The following EBF1 variants were observed in gnomAD, a reference collection of about 807,000 sequenced individuals.
The protein encoded by EBF1 is EBF transcription factor 1, also known as transcription factor COE1.
Under a neutral mutation model 68.4 loss-of-function variants are expected in EBF1, and 10 were observed. That is an observed-to-expected ratio of 0.15 (90% confidence interval 0.09 to 0.25). The LOEUF (loss-of-function observed/expected upper bound fraction) is 0.25, where lower values mean the gene tolerates loss of function less well. EBF1 is among the 10% of genes least tolerant of loss of function. The probability of loss-of-function intolerance (pLI) is 1.00; values close to 1 mark genes in which losing one functional copy is unlikely to be tolerated. For synonymous variants in EBF1, 298 were observed against 299.8 expected, an observed-to-expected ratio of 0.99 and a Z score of 0.06; for missense variants, 509 against 794.4, an observed-to-expected ratio of 0.64 and a Z score of 4.32.
chr5:158,877,317 A>G (rs898190355), intron 6 of EBF1, among the ~76,000 whole-genome samples: 1 of 152,086 alleles, frequency 6.6e-6, no homozygotes, highest in African/African-American at 2.4e-5. Flanking sequence ...TCTTTTCCTT[A>G]TTTCGACAGC....
intron 6 of EBF1, among the ~76,000 whole-genome samples, chr5:159,033,343 A>C (rs1769323976): frequency 2.0e-5 from 3 of 152,258 alleles, no homozygotes; most frequent in Admixed American, 2.0e-4. Flanking sequence ...CAACAAACAT[A>C]GTTAGCTCTG....
intron 8 of EBF1, among the ~76,000 whole-genome samples, chr5:158,799,112 G>A (rs1205948620): frequency 6.6e-6 from 1 of 152,142 alleles, no homozygotes; most frequent in Non-Finnish European, 1.5e-5. Context: ...AGGATGAGGA[G>A]GGGAAGCTAG....
At chr5:158,971,120 G>T (rs1313105004) in intron 6 of EBF1, among the ~76,000 whole-genome samples, 2 of 152,208 alleles carry the variant, frequency 1.3e-5, no homozygotes, top group African/African-American at 2.4e-5. Flanking sequence ...ATTTATCATG[G>T]ACTCAAAATC....
chr5:159,062,540 T>A (rs893255798), intron 6 of EBF1, among the ~76,000 whole-genome samples: 2 of 152,208 alleles, frequency 1.3e-5, no homozygotes, highest in Admixed American at 1.3e-4. Flanking sequence ...GAGTATCAGG[T>A]CAATGCTATA....
chr5:158,724,036 G>T (rs1399301864), intron 11 of EBF1, among the ~76,000 whole-genome samples: 3 of 152,260 alleles, frequency 2.0e-5, no homozygotes, highest in Admixed American at 1.3e-4. Context: ...TGGATACCAA[G>T]CCCCTAGACT....
intron 6 of EBF1, among the ~76,000 whole-genome samples, chr5:158,931,781 A>G (rs773606937): frequency 1.3e-5 from 2 of 152,198 alleles, no homozygotes; most frequent in Non-Finnish European, 2.9e-5. Flanking sequence ...GCATAGGGGC[A>G]GCTAATACTC....
chr5:158,839,477 G>A (rs973938078), intron 7 of EBF1, among the ~76,000 whole-genome samples: 6 of 152,060 alleles, frequency 3.9e-5, no homozygotes, highest in Admixed American at 3.9e-4. Flanking sequence ...CCAACTCCCG[G>A]GTTCAAGTGA....
intron 10 of EBF1, among the ~76,000 whole-genome samples, chr5:158,762,519 A>T (rs1201442799): frequency 1.3e-5 from 2 of 152,020 alleles, no homozygotes; most frequent in African/African-American, 4.8e-5. Flanking sequence ...TATATAATAC[A>T]ATCTTGATTT....
At chr5:159,089,231 G>A (rs377757597) in intron 4 of EBF1, among the ~76,000 whole-genome samples, 7 of 152,014 alleles carry the variant, frequency 4.6e-5, no homozygotes, top group South Asian at 2.1e-4. Flanking sequence ...AGAAAACATC[G>A]AAATTGTTAA....
At chr5:158,908,660 C>A (rs763783140) in intron 6 of EBF1, among the ~76,000 whole-genome samples, 1 of 152,190 alleles carries the variant, frequency 6.6e-6, no homozygotes, top group Non-Finnish European at 1.5e-5. Flanking sequence ...GGCCAAGAGG[C>A]CTCAAGAAAT....
At chr5:159,005,265 T>G (rs1024962864) in intron 6 of EBF1, among the ~76,000 whole-genome samples, 5 of 152,190 alleles carry the variant, frequency 3.3e-5, no homozygotes, top group African/African-American at 1.2e-4. Flanking sequence ...CTACTACTGC[T>G]TTGACTACAA....
At chr5:158,886,573 C>T (rs1486221026) in intron 6 of EBF1, among the ~76,000 whole-genome samples, 2 of 152,194 alleles carry the variant, frequency 1.3e-5, no homozygotes, top group Non-Finnish European at 2.9e-5. Context: ...TTCTGTTTCT[C>T]TTTCAAAGAT....
intron 10 of EBF1, among the ~76,000 whole-genome samples, chr5:158,766,385 TG>T (rs972497003): frequency 7.2e-5 from 11 of 152,092 alleles, no homozygotes; most frequent in African/African-American, 2.7e-4. Flanking sequence ...AAAAATGACT[TG>T]AAAAAGTTTG....
At chr5:159,044,228 T>G (rs765175013) in intron 6 of EBF1, among the ~76,000 whole-genome samples, 3 of 152,228 alleles carry the variant, frequency 2.0e-5, no homozygotes, top group South Asian at 2.1e-4. Context: ...TAATTCATCT[T>G]AAGTGTAAGT....
At chr5:158,778,848 A>G (rs1407535892) in intron 9 of EBF1, among the ~76,000 whole-genome samples, 4 of 152,196 alleles carry the variant, frequency 2.6e-5, no homozygotes, top group Non-Finnish European at 4.4e-5. Context: ...AAAAAGCCCT[A>G]AATGACTGTT....
intron 6 of EBF1, among the ~76,000 whole-genome samples, chr5:158,945,458 A>C (rs1229520283): frequency 7.2e-5 from 11 of 152,076 alleles, no homozygotes. Flanking sequence ...GGTACCATGA[A>C]ATTCCGAGTT....
rs184829645 is a variant in EBF1, at chr5:159,034,173, A to G, written c.554+39223T>C. On this transcript the variant is annotated intron_variant, in intron 6 of 15. Transcript: ENST00000313708. ...GCTTATTTTGGGGAGCACTCAAACT[A>G]TGCTTTTTTTGACTTGTTGGCCCTA... 1.2e-3 allele frequency among the ~76,000 whole-genome samples: 190 copies of G among 152,302 alleles called. 2 individuals are homozygous for G. The highest frequency in any genetic ancestry group is 1.2e-3 in the East Asian group (6 of 5,184).
chr5:158,803,581 A>G (rs1781021558), intron 8 of EBF1, among the ~76,000 whole-genome samples: 1 of 152,068 alleles, frequency 6.6e-6, no homozygotes, highest in Non-Finnish European at 1.5e-5. Flanking sequence ...AGAAACCAGA[A>G]GCAATTAGAA....
In EBF1 at chr5:158,940,416, A is replaced by G. The variant is rs1812987686; in HGVS notation, c.555-100306T>C. ...CTGTGGTATCCTAGGCCACTTAAAT[A>G]CATCCTCTTTTCTAATGTTCTGAAG... On this transcript the variant is annotated intron_variant, in intron 6 of 15. Coordinates refer to ENST00000313708, the MANE Select transcript of EBF1 (RefSeq NM_024007.5). Among the ~76,000 whole-genome samples, 4 of 152,190 alleles carry G rather than the reference A, an allele frequency of 2.6e-5. No homozygotes were observed. In the South Asian group the frequency reaches 8.3e-4, roughly 32 times the overall value.
Sources: gnomAD v4.1 joint callset for allele counts (sites outside exome capture counted in the v4.1 genomes callset) on GRCh38, gnomAD v4.1.1 for gene constraint, MANE v1.5 for transcripts, NCBI Gene and HGNC (gene_info 2026-07-23, HGNC 2026-07-21) for gene names.